The following DPYD variants were observed in gnomAD, a reference collection of about 807,000 sequenced individuals.
DPYD encodes the protein dihydropyrimidine dehydrogenase [NADP(+)].
DPYD carries 109 observed loss-of-function variants against 116.2 expected under a neutral mutation model. That is an observed-to-expected ratio of 0.94 (90% CI 0.80 to 1.10). The LOEUF (loss-of-function observed/expected upper bound fraction) is 1.10. Among genes scored for constraint, DPYD ranks in the 50% least tolerant of loss-of-function variants. The pLI, the probability that DPYD is intolerant of heterozygous loss-of-function variation, is 0.00. For missense variants in DPYD, 1,302 were observed against 1,254.5 expected, an observed-to-expected ratio of 1.04 and a Z score of -0.57; for synonymous variants, 440 against 432.0, an observed-to-expected ratio of 1.02 and a Z score of -0.23.
chr1:97,344,298 T>C (rs183417668), intron 16 of DPYD, among the ~76,000 whole-genome samples: 1 of 151,912 alleles, frequency 6.6e-6, no homozygotes, highest in Non-Finnish European at 1.5e-5. Flanking sequence ...ATTTTTTGAA[T>C]AGACAGACCA....
intron 20 of DPYD, among the ~76,000 whole-genome samples, chr1:97,181,890 T>C (rs1657672716): frequency 6.6e-6 from 1 of 152,206 alleles, no homozygotes; most frequent in Non-Finnish European, 1.5e-5. Flanking sequence ...TTTCTCTTTT[T>C]TATCACAGAA....
chr1:97,436,348 A>AT (rs1675473067), intron 14 of DPYD, among the ~76,000 whole-genome samples: 2 of 151,948 alleles, frequency 1.3e-5, no homozygotes, highest in Admixed American at 1.3e-4. Flanking sequence ...TTTTATTTTC[A>AT]TTTTTTGACA....
intron 4 of DPYD, among the ~76,000 whole-genome samples, chr1:97,730,932 A>G (rs1277478191): frequency 2.6e-5 from 4 of 152,122 alleles, no homozygotes; most frequent in African/African-American, 9.7e-5. Context: ...TCATTTATGA[A>G]TATTACACAG....
At chr1:97,205,156 ATGCTATT>A (rs1343891370) in intron 19 of DPYD, among the ~76,000 whole-genome samples, 1 of 152,088 alleles carries the variant, frequency 6.6e-6, no homozygotes, top group Non-Finnish European at 1.5e-5. Flanking sequence ...CAATATTGAT[ATGCTATT>A]ATTAAAATTC....
intron 13 of DPYD, among the ~76,000 whole-genome samples, chr1:97,506,441 T>G (rs1425247774): frequency 2.0e-5 from 3 of 151,918 alleles, no homozygotes; most frequent in Non-Finnish European, 2.9e-5. Flanking sequence ...AGAATAAGGG[T>G]AAAATCAGTT....
At chr1:97,482,754 C>T (rs1422019100) in intron 13 of DPYD, among the ~76,000 whole-genome samples, 1 of 151,980 alleles carries the variant, frequency 6.6e-6, no homozygotes, top group African/African-American at 2.4e-5. Context: ...AGAAAGCACT[C>T]CCACCCCACC....
intron 8 of DPYD, among the ~76,000 whole-genome samples, chr1:97,615,981 C>T (rs541492685): frequency 3.5e-4 from 53 of 152,084 alleles, no homozygotes; most frequent in Non-Finnish European, 6.9e-4. Context: ...CCTTATGAAG[C>T]ATATGATACG....
chr1:97,723,428 A>G (rs988964051), intron 4 of DPYD, among the ~76,000 whole-genome samples: 2 of 151,444 alleles, frequency 1.3e-5, no homozygotes, highest in African/African-American at 4.8e-5. Flanking sequence ...TTATTCAGCT[A>G]TGGTCCATAT....
chr1:97,559,139 C>G (rs2811221), intron 11 of DPYD, among the ~76,000 whole-genome samples: 37,774 of 151,792 alleles, frequency 0.25, 5,203 homozygotes, highest in African/African-American at 0.35. Context: ...GAAAAAATAG[C>G]GTATTGAAAT....
At chr1:97,757,830 C>A (rs2101118150) in intron 3 of DPYD, among the ~76,000 whole-genome samples, 1 of 152,284 alleles carries the variant, frequency 6.6e-6, no homozygotes, top group Non-Finnish European at 1.5e-5. Flanking sequence ...GGAAGTTCCA[C>A]TGTGGATCCA....
At chr1:97,471,445 C>G (rs924632999) in intron 13 of DPYD, among the ~76,000 whole-genome samples, 4 of 152,120 alleles carry the variant, frequency 2.6e-5, no homozygotes, top group Non-Finnish European at 5.9e-5. Context: ...GGGTCTAAAA[C>G]TGCAACCACA....
intron 8 of DPYD, among the ~76,000 whole-genome samples, chr1:97,607,795 T>C (rs1455342430): frequency 6.6e-6 from 1 of 151,938 alleles, no homozygotes; most frequent in Non-Finnish European, 1.5e-5. Flanking sequence ...TAAAACATTA[T>C]ACAGCGCATA....
At chr1:97,491,948 T>C (rs148837273) in intron 13 of DPYD, among the ~76,000 whole-genome samples, 3 of 152,248 alleles carry the variant, frequency 2.0e-5, no homozygotes, top group Non-Finnish European at 4.4e-5. Flanking sequence ...CAGGGCTTAT[T>C]ATGGATACAT....
chr1:97,547,638 A>G (rs1039819179), intron 12 of DPYD, among the ~76,000 whole-genome samples: 18 of 151,978 alleles, frequency 1.2e-4, no homozygotes, highest in African/African-American at 4.1e-4. Context: ...TCTTTGCAAA[A>G]TCCACAGGCT....
intron 11 of DPYD, among the ~76,000 whole-genome samples, chr1:97,559,780 G>A (rs1204573240): frequency 6.6e-6 from 1 of 151,988 alleles, no homozygotes; most frequent in Admixed American, 6.6e-5. Flanking sequence ...TAGAGAACTA[G>A]CTGTATTATC....
rs1235270493 is a variant in DPYD at position 97,313,359 on chromosome 1, T to C, written c.2059-7062A>G. ...ATTGGATAATACAGATTTAGAGATA[T>C]GTAATATGCTATCCCTGTTCTTTAA... On this transcript the variant is annotated intron_variant, in intron 16 of 22. Coordinates refer to ENST00000370192, the MANE Select transcript of DPYD (RefSeq NM_000110.4). 4.6e-5 allele frequency among the ~76,000 whole-genome samples: 7 copies of C among 151,972 alleles called. No homozygotes were observed. In the East Asian group the frequency reaches 1.4e-3, roughly 30 times the overall value.
intron 12 of DPYD, among the ~76,000 whole-genome samples, chr1:97,540,253 A>G (rs2102052590): frequency 6.8e-6 from 1 of 146,034 alleles, no homozygotes; most frequent in African/African-American, 2.5e-5. Flanking sequence ...CCAACCAGCT[A>G]TAAACTGGGA....
chr1:97,528,353 G>A (rs976856238), intron 12 of DPYD, among the ~76,000 whole-genome samples: 2 of 151,898 alleles, frequency 1.3e-5, no homozygotes, highest in African/African-American at 4.8e-5. Flanking sequence ...TCCATTTTAC[G>A]CATTTCTTTA....
At chr1:97,732,146 C>T (rs1025180263) in intron 4 of DPYD, among the ~76,000 whole-genome samples, 19 of 152,004 alleles carry the variant, frequency 1.2e-4, no homozygotes, top group Admixed American at 1.2e-3. Context: ...TCTATTAAAG[C>T]AAAAGTGAAT....
Sources: gnomAD v4.1 joint callset for allele counts (sites outside exome capture counted in the v4.1 genomes callset) on GRCh38, gnomAD v4.1.1 for gene constraint, MANE v1.5 for transcripts, NCBI Gene and HGNC (gene_info 2026-07-23, HGNC 2026-07-21) for gene names.